PAH: variants seen among roughly 807,000 people sequenced by gnomAD.
The protein encoded by PAH is phenylalanine-4-hydroxylase.
Under a neutral mutation model 62.0 loss-of-function variants are expected in PAH, and 64 were observed. The observed-to-expected ratio is 1.03, with a 90% CI of 0.84 to 1.27. PAH has a LOEUF of 1.27. Among genes scored for constraint, PAH ranks in the 50% most tolerant of loss-of-function variants. The probability of loss-of-function intolerance (pLI) is 0.00; values close to 1 mark genes in which losing one functional copy is unlikely to be tolerated. For missense variants in PAH, 579 were observed against 542.8 expected, an observed-to-expected ratio of 1.07 and a Z score of -0.66; for synonymous variants, 195 against 196.2, an observed-to-expected ratio of 0.99 and a Z score of 0.05.
chr12:102,839,280 T>G, intron 12 of PAH, 62 bp from the exon 13 acceptor site: 10 of 1,522,324 alleles, frequency 6.6e-6, no homozygotes, highest in Non-Finnish European at 9.1e-6. Context: ...TCTTCAAGTG[T>G]CCTCAGTGCA....
At chr12:102,857,552 A>C (rs1592956102) in intron 5 of PAH, among the ~76,000 whole-genome samples, 1 of 152,340 alleles carries the variant, frequency 6.6e-6, no homozygotes, top group East Asian at 1.9e-4. Context: ...TGAAGGAAAA[A>C]AATGTTAAGG....
intron 3 of PAH, among the ~76,000 whole-genome samples, chr12:102,878,743 C>T (rs1401035849): frequency 3.9e-5 from 6 of 151,970 alleles, no homozygotes; most frequent in Admixed American, 2.6e-4. Context: ...AATGGATTCA[C>T]CCTGGTTGTG....
At chr12:102,869,342 T>C (rs1876202409) in intron 4 of PAH, among the ~76,000 whole-genome samples, 1 of 152,182 alleles carries the variant, frequency 6.6e-6, no homozygotes, top group South Asian at 2.1e-4. Flanking sequence ...AGAGGAAATA[T>C]GTAAGTATAT....
intron 1 of PAH, among the ~76,000 whole-genome samples, chr12:102,933,910 T>C (rs1879005722): frequency 6.6e-6 from 1 of 152,078 alleles, no homozygotes; most frequent in East Asian, 1.9e-4. Flanking sequence ...CTTCACTTTG[T>C]TGTTTCTTTT....
intron 5 of PAH, among the ~76,000 whole-genome samples, chr12:102,856,521 G>A (rs572242613): frequency 1.1e-4 from 17 of 152,290 alleles, no homozygotes; most frequent in Admixed American, 6.5e-5. Context: ...ATCTGAGAAC[G>A]TACAGACTGC....
At chr12:102,895,869 A>AAAAT (rs953209518) in intron 2 of PAH, among the ~76,000 whole-genome samples, 20 of 118,744 alleles carry the variant, frequency 1.7e-4, no homozygotes, top group African/African-American at 6.1e-4. Flanking sequence ...AAAAAAAAAA[A>AAAAT]ATATATATAT....
At chr12:102,867,898 GATGTATATATACATGTATATACATA>G (rs753989150) in intron 4 of PAH, among the ~76,000 whole-genome samples, 10 of 118,568 alleles carry the variant, frequency 8.4e-5, no homozygotes, top group Non-Finnish European at 1.8e-4. Flanking sequence ...TACATATATA[GATGTATATATACATGTATATACATA>G]TATAGATGTA....
chr12:102,884,638 A>G (rs111851104), intron 3 of PAH, among the ~76,000 whole-genome samples: 1 of 152,244 alleles, frequency 6.6e-6, no homozygotes, highest in African/African-American at 2.4e-5. Flanking sequence ...CATCTGTGGC[A>G]TCAGTCCTTG....
At position 102,957,551 on chromosome 12, in the gene PAH, GA is replaced by G. The variant is rs1348963830; in HGVS notation, c.-96+643del. 20 of 149,872 alleles carry G rather than the reference GA, an allele frequency of 1.3e-4. No homozygotes were observed. Among genetic ancestry groups the G allele is most frequent in the South Asian group, 2.1e-4 (1 of 4,670 alleles). The allele number at this position is 149,872 out of a possible 1,614,324, so 9.3% of individuals were successfully genotyped here. On this transcript the variant is annotated intron_variant, in intron 1 of 4. Coordinates refer to the PAH transcript ENST00000551337. This position sits in a 1 kb window ranked among gnomAD's most constrained non-coding sequence, Gnocchi z 4.1. Reference sequence around the variant, plus strand: ...AGTGGGTGGGAGGAAGAGGTAAGAGGAGGGGGGGGAGTGGGGGCTGCAGCCG... The same window carrying G: ...AGTGGGTGGGAGGAAGAGGTAAGAGGGGGGGGGGAGTGGGGGCTGCAGCCG...
intron 1 of PAH, among the ~76,000 whole-genome samples, chr12:102,938,932 A>G (rs543914697): frequency 2.6e-5 from 4 of 152,272 alleles, no homozygotes; most frequent in Admixed American, 2.6e-4. Context: ...TGTGAGGTGG[A>G]ATACCTAGAA....
intron 2 of PAH, among the ~76,000 whole-genome samples, chr12:102,906,424 C>G (rs973507678): frequency 2.6e-5 from 4 of 152,068 alleles, no homozygotes; most frequent in African/African-American, 9.7e-5. Flanking sequence ...GCAGAATTGT[C>G]TGTGACTATA....
At chr12:102,956,584 G>A in intron 1 of PAH, among the ~76,000 whole-genome samples, 1 of 152,118 alleles carries the variant, frequency 6.6e-6, no homozygotes, top group East Asian at 1.9e-4. Context: ...GAAGAACCAG[G>A]AATCCCCACC....
intron 4 of PAH, among the ~76,000 whole-genome samples, chr12:102,868,440 T>G (rs1876158735): frequency 1.3e-5 from 2 of 151,926 alleles, no homozygotes; most frequent in Admixed American, 1.3e-4. Flanking sequence ...TACACATTTT[T>G]TTTTACTCCA....
intron 3 of PAH, among the ~76,000 whole-genome samples, chr12:102,890,911 C>G (rs556458721): frequency 6.6e-6 from 1 of 152,036 alleles, no homozygotes; most frequent in East Asian, 1.9e-4. Flanking sequence ...GGCGAAACCC[C>G]GTCTCTACTA....
intron 2 of PAH, among the ~76,000 whole-genome samples, chr12:102,903,219 G>A (rs532378354): frequency 1.3e-5 from 2 of 152,162 alleles, no homozygotes; most frequent in East Asian, 1.9e-4. Flanking sequence ...AAATTAGCCA[G>A]GCATAGTGGC....
chr12:102,851,662 G>T (rs769886088), intron 8 of PAH, 25 bp downstream of exon 8: 30 of 1,605,000 alleles, frequency 1.9e-5, no homozygotes, highest in Non-Finnish European at 2.5e-5. Flanking sequence ...CCTATAACTA[G>T]AAGGCTAAAA....
intron 8 of PAH, among the ~76,000 whole-genome samples, chr12:102,848,406 T>C (rs114025364): frequency 2.4e-4 from 30 of 124,592 alleles, no homozygotes; most frequent in African/African-American, 8.0e-4. Flanking sequence ...TGAGTGTAGA[T>C]GGGACACCAG....
chr12:102,882,103 C>T (rs1592971562), intron 3 of PAH, among the ~76,000 whole-genome samples: 1 of 152,180 alleles, frequency 6.6e-6, no homozygotes, highest in East Asian at 1.9e-4. Context: ...CTCTCTTCTC[C>T]GCATCCTTGC....
intron 3 of PAH, among the ~76,000 whole-genome samples, chr12:102,878,133 C>G (rs1210352496): frequency 1.3e-5 from 2 of 152,072 alleles, no homozygotes; most frequent in Admixed American, 1.3e-4. Context: ...CCATTAGCAG[C>G]AGAATATTAC....
Sources: gnomAD v4.1 joint callset for allele counts (sites outside exome capture counted in the v4.1 genomes callset) on GRCh38, gnomAD v4.1.1 for gene constraint, Gnocchi (gnomAD v3.1) non-coding constraint, MANE v1.5 for transcripts, NCBI Gene and HGNC (gene_info 2026-07-23, HGNC 2026-07-21) for gene names.